ARHGAP21: variants seen among roughly 807,000 people sequenced by gnomAD.
ARHGAP21 encodes the protein Rho GTPase activating protein 21, also known as rho GTPase-activating protein 21.
Under a neutral mutation model 164.6 loss-of-function variants are expected in ARHGAP21, and 38 were observed. The observed-to-expected ratio is 0.23, with a 90% CI of 0.18 to 0.30. The LOEUF (loss-of-function observed/expected upper bound fraction) is 0.30. Ranked by LOEUF, ARHGAP21 falls within the 10% of genes least tolerant of loss-of-function variation. The probability of loss-of-function intolerance (pLI) is 1.00; values close to 1 mark genes in which losing one functional copy is unlikely to be tolerated. For synonymous variants in ARHGAP21, 766 were observed against 857.9 expected, an observed-to-expected ratio of 0.89 and a Z score of 1.87; for missense variants, 1,822 against 2,370.7, an observed-to-expected ratio of 0.77 and a Z score of 4.81.
chr10:24,698,303 A>G (rs1018224777), intron 2 of ARHGAP21, among the ~76,000 whole-genome samples: 55 of 152,140 alleles, frequency 3.6e-4, no homozygotes, highest in Non-Finnish European at 1.3e-4. Flanking sequence ...AGCCCAAGAA[A>G]TCATCTAATC....
At position 24,595,158 on chromosome 10, in the gene ARHGAP21, T is replaced by C. The variant is rs1011920114; in HGVS notation, c.3745A>G (p.Lys1249Glu). Residue 1249 changes from lysine to glutamate, a missense_variant, in exon 20 of 26, where the codon AAA becomes GAA. By Grantham distance (56) the Lys-to-Glu change is moderately conservative (BLOSUM62 1). Transcript: ENST00000396432. ...TTCAGACGATCTAGAGGATCTTCTT[T>C]ACGATTGGCTTCAATAAAATCAGCA... The part of the protein sequence containing the change: ...KYADFIEANR[K>E]EDPLDRLKTL... 7 of 1,612,010 alleles carry C rather than the reference T, an allele frequency of 4.3e-6. No individual in the cohort carries two copies. The South Asian group carries it at 5.5e-5, about 13-fold the overall frequency.
At chr10:24,718,664 G>A (rs930802210) in intron 2 of ARHGAP21, among the ~76,000 whole-genome samples, 12 of 152,252 alleles carry the variant, frequency 7.9e-5, no homozygotes, top group Admixed American at 1.3e-4. Flanking sequence ...ATACAAACTC[G>A]TACCCAGAAA....
chr10:24,605,634 G>A (rs1277550923), intron 11 of ARHGAP21: 1 of 152,084 alleles, frequency 6.6e-6, no homozygotes, highest in Non-Finnish European at 1.5e-5. Context: ...TCAGAGGACT[G>A]TATGCAAAGA....
intron 21 of ARHGAP21, among the ~76,000 whole-genome samples, chr10:24,593,294 CTG>C (rs1339901035): frequency 6.6e-6 from 1 of 152,176 alleles, no homozygotes; most frequent in African/African-American, 2.4e-5. Flanking sequence ...GTACTTAAAA[CTG>C]GGCACCCAGA....
At chr10:24,645,320 T>C (rs952602150) in intron 4 of ARHGAP21, among the ~76,000 whole-genome samples, 3 of 152,094 alleles carry the variant, frequency 2.0e-5, no homozygotes, top group African/African-American at 7.2e-5. Context: ...GTGGCTCATA[T>C]CTGTAATCCC....
chr10:24,690,877 C>A (rs574100663), intron 2 of ARHGAP21, among the ~76,000 whole-genome samples: 64 of 151,024 alleles, frequency 4.2e-4, no homozygotes, highest in African/African-American at 1.4e-3. Context: ...TACACACACA[C>A]ACATAAACAC....
chr10:24,716,305 G>C (rs1845368850), intron 2 of ARHGAP21, among the ~76,000 whole-genome samples: 1 of 152,238 alleles, frequency 6.6e-6, no homozygotes, highest in Non-Finnish European at 1.5e-5. Flanking sequence ...AAGGAAGGCA[G>C]AGCATGGCAC....
At chr10:24,711,527 C>G (rs572558929) in intron 2 of ARHGAP21, among the ~76,000 whole-genome samples, 2 of 152,268 alleles carry the variant, frequency 1.3e-5, no homozygotes, top group South Asian at 4.1e-4. Flanking sequence ...GGATAATATT[C>G]ACGTAACTAT....
At chr10:24,613,807 G>C (rs1287453709) in intron 9 of ARHGAP21, among the ~76,000 whole-genome samples, 1 of 152,204 alleles carries the variant, frequency 6.6e-6, no homozygotes, top group Non-Finnish European at 1.5e-5. Flanking sequence ...GCATGCACCA[G>C]GTCAGCACAG....
intron 4 of ARHGAP21, among the ~76,000 whole-genome samples, chr10:24,645,134 T>C (rs892385294): frequency 6.6e-6 from 1 of 152,198 alleles, no homozygotes; most frequent in Non-Finnish European, 1.5e-5. Flanking sequence ...CTAAAATCTT[T>C]CAACCAAATC....
intron 21 of ARHGAP21, 151 bp downstream of exon 21, chr10:24,594,799 C>G (rs2076508544): frequency 2.0e-6 from 1 of 503,802 alleles, no homozygotes; most frequent in Non-Finnish European, 3.4e-6. Context: ...ATTTTGGGAT[C>G]TTTTGCTTTT....
intron 4 of ARHGAP21, among the ~76,000 whole-genome samples, chr10:24,666,084 C>CA (rs1840168846): frequency 6.6e-6 from 1 of 152,220 alleles, no homozygotes; most frequent in Non-Finnish European, 1.5e-5. Context: ...GGCTGGAGTG[C>CA]AGTGGAGCGA....
rs2076227507 is a variant in ARHGAP21, at chr10:24,589,137, A to C, written c.4182+134T>G. ...TCTTCTTATCATATATTGTTTTAGG[A>C]ATTAATTTTTTGATTATACTTTGTT... On this transcript the variant is annotated intron_variant, in intron 25 of 25. Transcript: ENST00000396432. 6.3e-6 allele frequency: 5 copies of C among 797,492 alleles called. No individual in the cohort carries two copies. In the Admixed American group the frequency reaches 1.2e-4, roughly 20 times the overall value. The allele number at this position is 797,492 out of a possible 1,614,324, so 49.4% of individuals were successfully genotyped here. A position where few individuals can be genotyped will look rare whatever the true frequency, so the allele number is the denominator to read the frequency against.
intron 24 of ARHGAP21, chr10:24,590,135 T>G (rs914103102): frequency 7.6e-7 from 1 of 1,308,482 alleles, no homozygotes; most frequent in African/African-American, 1.5e-5. Context: ...ATTAATGAGC[T>G]GAGCCCCATG....
intron 2 of ARHGAP21, among the ~76,000 whole-genome samples, chr10:24,698,574 C>T (rs1469011929): frequency 6.6e-6 from 1 of 152,192 alleles, no homozygotes. Context: ...TCTTCCTTTT[C>T]CTTCAGAGAT....
At position 24,698,520 on chromosome 10, in the gene ARHGAP21, G is replaced by A. The variant is rs370197999; in HGVS notation, c.63+23317C>T. On this transcript the variant is annotated intron_variant, in intron 2 of 25. Transcript: ENST00000396432. Reference sequence around the variant, plus strand: ...ATCAAGAAGCCAAGACAGATGGGTCGGCCATCCATTCATCCACACACCATT... The same window carrying A: ...ATCAAGAAGCCAAGACAGATGGGTCAGCCATCCATTCATCCACACACCATT... Among the ~76,000 whole-genome samples the A allele has an allele frequency of 8.5e-5, 13 of 152,218 alleles. No individual in the cohort carries two copies. In the South Asian group the frequency reaches 1.0e-3, roughly 12 times the overall value.
intron 25 of ARHGAP21, among the ~76,000 whole-genome samples, chr10:24,588,658 C>T (rs957664042): frequency 3.3e-5 from 5 of 152,164 alleles, no homozygotes; most frequent in Admixed American, 2.6e-4. Flanking sequence ...TTTAGATCCA[C>T]TGACTTGACA....
At chr10:24,589,602 C>A in intron 24 of ARHGAP21, 1 of 319,212 alleles carries the variant, frequency 3.1e-6, no homozygotes, top group Non-Finnish European at 5.7e-6. Flanking sequence ...AATATTAAAT[C>A]TAGCAATAAA....
chr10:24,709,640 T>G (rs1389053416), intron 2 of ARHGAP21, among the ~76,000 whole-genome samples: 1 of 151,602 alleles, frequency 6.6e-6, no homozygotes, highest in African/African-American at 2.4e-5. Context: ...CTCAGGAGAC[T>G]GGACAGAAAG....
Sources: allele counts gnomAD v4.1 joint callset (sites outside exome capture counted in the v4.1 genomes callset), GRCh38; gene constraint gnomAD v4.1.1; transcripts MANE v1.5; gene names NCBI Gene and HGNC (gene_info 2026-07-23, HGNC 2026-07-21).